MAK: variants seen among roughly 807,000 people sequenced by gnomAD.
MAK encodes the protein male germ cell associated kinase.
A neutral mutation model predicts 82.6 loss-of-function variants in MAK; 65 were observed. The observed-to-expected ratio is 0.79, with a 90% confidence interval of 0.64 to 0.97. The LOEUF (loss-of-function observed/expected upper bound fraction) is 0.97, where lower values mean the gene tolerates loss of function less well. Ranked by LOEUF, MAK falls within the 50% of genes least tolerant of loss-of-function variation. The probability of loss-of-function intolerance (pLI) is 0.00; values close to 1 mark genes in which losing one functional copy is unlikely to be tolerated. For missense variants in MAK, 703 were observed against 780.2 expected, an observed-to-expected ratio of 0.90 and a Z score of 1.18; for synonymous variants, 250 against 274.2, an observed-to-expected ratio of 0.91 and a Z score of 0.87.
intron 3 of MAK, among the ~76,000 whole-genome samples, chr6:10,818,684 T>G (rs966475010): frequency 6.6e-6 from 1 of 151,868 alleles, no homozygotes; most frequent in South Asian, 2.1e-4. Context: ...TGAAAGTGAA[T>G]TTTCAAATGT....
At chr6:10,795,715 G>C (rs1410593112) in intron 9 of MAK, among the ~76,000 whole-genome samples, 1 of 152,168 alleles carries the variant, frequency 6.6e-6, no homozygotes, top group African/African-American at 2.4e-5. Context: ...CTGCACTCCA[G>C]CCTAGGCAAC....
rs1273645135 is a variant in MAK at position 10,776,843 on chromosome 6, T to C, written c.1466-1384A>G. ...GGCTCATGCCTGTAATCCCAGCACT[T>C]TGGGAGGCCGAGGCGGGCGGATCAC... On this transcript the variant is annotated intron_variant, in intron 11 of 14. Transcript: ENST00000354489. The surrounding 1 kb of genome is among the most constrained non-coding windows in gnomAD (Gnocchi z 4.3). Among the ~76,000 whole-genome samples, 1 of 151,954 alleles carries C rather than the reference T, an allele frequency of 6.6e-6. No homozygotes were observed. The highest frequency in any genetic ancestry group is 2.4e-5 in the African/African-American group (1 of 41,340).
At chr6:10,795,925 G>A (rs1367139056) in intron 9 of MAK, 73 bp downstream of exon 9, 3 of 1,490,408 alleles carry the variant, frequency 2.0e-6, no homozygotes, top group African/African-American at 2.8e-5. Context: ...AACATTATTA[G>A]AAATGCCTCG....
Position 10,770,038 on chromosome 6 carries a change from CT to C in MAK, c.1792+72del. 5.0e-6 allele frequency: 8 copies of C among 1,612,482 alleles called. No individual in the cohort carries two copies. The East Asian group carries it at 8.9e-5, about 18-fold the overall frequency. ...AAAAGTCTTCGCTTGGGAAAAGTGA[CT>C]GCATAAACTTAAAAAGGAAAATGTT... is the stretch of plus-strand genomic sequence containing the variant. On this transcript the variant is annotated intron_variant, in intron 14 of 14. Transcript: ENST00000354489.
At chr6:10,831,235 G>T (rs1226308698) in intron 1 of MAK, among the ~76,000 whole-genome samples, 1 of 151,900 alleles carries the variant, frequency 6.6e-6, no homozygotes, top group Non-Finnish European at 1.5e-5. Context: ...TATTTAATTT[G>T]GCATATTGTT....
intron 8 of MAK, among the ~76,000 whole-genome samples, chr6:10,799,422 T>TATA (rs1294201618): frequency 6.6e-6 from 1 of 152,180 alleles, no homozygotes; most frequent in African/African-American, 2.4e-5. Context: ...AAAAACTTAT[T>TATA]ATGTCTTTAT....
Position 10,791,714 on chromosome 6 carries a change from C to A in MAK, c.1277G>T (p.Gly426Val). ...TTTTTTCCTTTTTTCTTTAAAAACA[C>A]CCATGCTTGGCTTCTTGGAATGGGA... ...GASHSKKPSM[G>V]VFKEKRKKDS... is the part of the protein sequence containing the mutation. The change falls in exon 10 of 15, where the codon GGT (glycine) becomes GTT (valine). Residue 426 changes from glycine (G) to valine (V), a missense_variant. Gly to Val is a moderately radical substitution (Grantham distance 109). Coordinates refer to ENST00000354489, the MANE Select transcript of MAK (RefSeq NM_001242957.3). 8 of 1,613,908 alleles carry A rather than the reference C, an allele frequency of 5.0e-6. No homozygotes were observed. Among genetic ancestry groups the A allele is most frequent in the Non-Finnish European group, 6.8e-6 (8 of 1,179,968 alleles).
chr6:10,782,781 T>A (rs1774121459), intron 11 of MAK, among the ~76,000 whole-genome samples: 1 of 152,138 alleles, frequency 6.6e-6, no homozygotes, highest in Non-Finnish European at 1.5e-5. Context: ...TTTCACCATG[T>A]TGGTCAGGCT....
At position 10,828,476 on chromosome 6, in the gene MAK, C is replaced by T. The variant is rs370840088; in HGVS notation, c.101+2072G>A. On this transcript the variant is annotated intron_variant, in intron 2 of 14. Transcript: ENST00000354489. ...CAAAACTCCTATATTGAAGTCCTAG[C>T]CCCCAGACTTTCACGGTGTGACAGT... Among the ~76,000 whole-genome samples the T allele has an allele frequency of 2.4e-3, 364 of 152,188 alleles. 10 individuals are homozygous for T. The South Asian group carries it at 0.049, about 20-fold the overall frequency.
chr6:10,764,960 G>C (rs1318237019), intron 14 of MAK, among the ~76,000 whole-genome samples: 1 of 152,028 alleles, frequency 6.6e-6, no homozygotes, highest in Admixed American at 6.6e-5. Flanking sequence ...GCTGAGCGTG[G>C]TGGCGGGTGA....
chr6:10,830,413 C>A (rs1244280819), intron 2 of MAK, 135 bp downstream of exon 2: 1 of 717,740 alleles, frequency 1.4e-6, no homozygotes, highest in East Asian at 2.8e-5. Context: ...ATCCGCCCGC[C>A]TCGGCCTCCC....
At chr6:10,809,117 G>A (rs537761960) in intron 5 of MAK, among the ~76,000 whole-genome samples, 175 bp from the exon 6 acceptor site, 1 of 152,298 alleles carries the variant, frequency 6.6e-6, no homozygotes, top group South Asian at 2.1e-4. Flanking sequence ...TAGGGACCCT[G>A]CTTTTAAAAT....
intron 3 of MAK, 132 bp from the exon 4 acceptor site, chr6:10,818,103 A>G: frequency 2.0e-6 from 1 of 510,436 alleles, no homozygotes; most frequent in Non-Finnish European, 3.5e-6. Flanking sequence ...AATTAATTAC[A>G]TTTTAATATC....
intron 4 of MAK, among the ~76,000 whole-genome samples, chr6:10,816,235 T>C (rs974916904): frequency 8.6e-5 from 13 of 151,652 alleles, no homozygotes; most frequent in African/African-American, 3.2e-4. Flanking sequence ...CACACCTGGC[T>C]AATTTTTTAA....
chr6:10,819,147 A>G (rs1777728958), intron 2 of MAK, among the ~76,000 whole-genome samples: 1 of 152,192 alleles, frequency 6.6e-6, no homozygotes, highest in Non-Finnish European at 1.5e-5. Flanking sequence ...ATCAAAAGTG[A>G]AAAAATTACC....
At chr6:10,829,788 A>G (rs1387029493) in intron 2 of MAK, among the ~76,000 whole-genome samples, 1 of 152,134 alleles carries the variant, frequency 6.6e-6, no homozygotes, top group African/African-American at 2.4e-5. Context: ...GACATTCCAC[A>G]TGAGCCAGAT....
In MAK at chr6:10,770,190, A is replaced by G. The variant is rs751678907; in HGVS notation, c.1713T>C (p.Tyr571=). The G allele has an allele frequency of 6.2e-7, 1 of 1,614,160 alleles. No individual in the cohort carries two copies. Among genetic ancestry groups the G allele is most frequent in the Non-Finnish European group, 8.5e-7 (1 of 1,180,022 alleles). Reference sequence around the variant, plus strand: ...CTTCTTTTTTGAGAAAGGAAGGAATATATCCTGACTGATTGTAAGTAGCAT... The same window carrying G: ...CTTCTTTTTTGAGAAAGGAAGGAATGTATCCTGACTGATTGTAAGTAGCAT... The part of the protein sequence containing the change: ...GSYATYNQSG[Y]IPSFLKKEVQ... The change falls in exon 14 of 15, where the codon TAT becomes TAC. Residue 571 remains tyrosine (Y), a synonymous_variant. Coordinates refer to ENST00000354489, the MANE Select transcript of MAK (RefSeq NM_001242957.3).
At chr6:10,805,848 C>T (rs975927901) in intron 6 of MAK, among the ~76,000 whole-genome samples, 1 of 152,204 alleles carries the variant, frequency 6.6e-6, no homozygotes, top group Non-Finnish European at 1.5e-5. Context: ...CTTCACGTGT[C>T]TTCCCTCTTC....
At chr6:10,787,675 G>A (rs1774697049) in intron 10 of MAK, among the ~76,000 whole-genome samples, 1 of 151,924 alleles carries the variant, frequency 6.6e-6, no homozygotes, top group Admixed American at 6.6e-5. Flanking sequence ...TGGCTAACAT[G>A]GTGAAACCCT....
Sources: gnomAD v4.1 joint callset for allele counts (sites outside exome capture counted in the v4.1 genomes callset) on GRCh38, gnomAD v4.1.1 for gene constraint, Gnocchi (gnomAD v3.1) non-coding constraint, MANE v1.5 for transcripts, NCBI Gene and HGNC (gene_info 2026-07-23, HGNC 2026-07-21) for gene names.